The following FYB1 variants were observed in gnomAD, a reference collection of about 807,000 sequenced individuals.
The protein encoded by FYB1 is FYN-binding protein 1.
In FYB1, 41 loss-of-function variants were observed where a neutral mutation model predicts 94.1. The observed-to-expected ratio is 0.44, with a 90% CI of 0.34 to 0.57. The LOEUF is 0.57. Ranked by LOEUF, FYB1 falls within the 20% of genes least tolerant of loss-of-function variation. The pLI is 0.02. For synonymous variants in FYB1, 367 were observed against 353.2 expected, an observed-to-expected ratio of 1.04 and a Z score of -0.44; for missense variants, 1,050 against 976.8, an observed-to-expected ratio of 1.07 and a Z score of -1.00.
intron 1 of FYB1, among the ~76,000 whole-genome samples, chr5:39,210,385 ATCCGG>A (rs1466051330): frequency 6.6e-6 from 1 of 152,196 alleles, no homozygotes; most frequent in East Asian, 1.9e-4. Flanking sequence ...AGCACTGATG[ATCCGG>A]ATCCTTCTCC....
chr5:39,115,496 A>G (rs1356993168), intron 16 of FYB1, among the ~76,000 whole-genome samples: 1 of 152,178 alleles, frequency 6.6e-6, no homozygotes, highest in East Asian at 1.9e-4. Flanking sequence ...AGCCTAGATG[A>G]TAAAGAGTTT....
intron 3 of FYB1, among the ~76,000 whole-genome samples, chr5:39,151,184 C>T (rs924801099): frequency 6.6e-6 from 1 of 152,182 alleles, no homozygotes; most frequent in East Asian, 1.9e-4. Context: ...ATGCTGTCCC[C>T]AATGCCACCC....
At chr5:39,181,945 A>AATTGTGC (rs1343565236) in intron 2 of FYB1, among the ~76,000 whole-genome samples, 2 of 152,246 alleles carry the variant, frequency 1.3e-5, no homozygotes, top group Non-Finnish European at 2.9e-5. Flanking sequence ...ACAATACTTA[A>AATTGTGC]TTGCTAACTA....
intron 13 of FYB1, among the ~76,000 whole-genome samples, chr5:39,123,724 T>C (rs1740351726): frequency 6.6e-6 from 1 of 152,160 alleles, no homozygotes; most frequent in South Asian, 2.1e-4. Flanking sequence ...ACATTTTATT[T>C]CGTTCAAAGT....
At chr5:39,192,207 A>G (rs1747426667) in intron 2 of FYB1, among the ~76,000 whole-genome samples, 1 of 152,240 alleles carries the variant, frequency 6.6e-6, no homozygotes, top group South Asian at 2.1e-4. Context: ...CACAATCGAA[A>G]GGAAGTCAGA....
chr5:39,169,167 T>C (rs575480078), intron 2 of FYB1: 26 of 772,100 alleles, frequency 3.4e-5, no homozygotes, highest in Non-Finnish European at 6.1e-5. Context: ...GATCCCAAGT[T>C]TAGAAAAAGA....
At chr5:39,118,740 C>T (rs1017907294) in intron 16 of FYB1, 134 bp downstream of exon 16, 7 of 503,326 alleles carry the variant, frequency 1.4e-5, no homozygotes, top group African/African-American at 2.0e-5. Flanking sequence ...TGAACGTTTG[C>T]CACAATTTAC....
Position 39,119,590 on chromosome 5 carries a change from A to G in FYB1, c.2183T>C (p.Leu728Pro), listed in dbSNP as rs1434525779. The G allele has an allele frequency of 1.3e-6, 2 of 1,550,930 alleles. No homozygotes were observed. The highest frequency in any genetic ancestry group is 1.7e-6 in the Non-Finnish European group (2 of 1,146,774). ...TTTTTCCTGCTTTTTTAGCTTCTTA[A>G]GGTCCTTTTCTTCTGTCTTAGCTTT... is the stretch of plus-strand genomic sequence containing the variant. The part of the protein sequence containing the change: ...VGKAKTEEKD[L>P]KKLKKQEKEE... The change falls in exon 15 of 19, where the codon CTT becomes CCT. Residue 728 changes from leucine (L) to proline (P), a missense_variant. Transcript: ENST00000512982.
intron 16 of FYB1, among the ~76,000 whole-genome samples, chr5:39,112,709 T>C (rs1412025999): frequency 6.6e-6 from 1 of 152,076 alleles, no homozygotes; most frequent in East Asian, 1.9e-4. Context: ...TAATCATTCA[T>C]GATAGAGAGC....
chr5:39,191,062 C>T (rs1449114803), intron 2 of FYB1, among the ~76,000 whole-genome samples: 7 of 152,162 alleles, frequency 4.6e-5, no homozygotes, highest in Non-Finnish European at 1.0e-4. Context: ...CAATAATTGT[C>T]GATTACCTTC....
At chr5:39,154,200 G>C (rs72734747) in intron 2 of FYB1, among the ~76,000 whole-genome samples, 1 of 151,950 alleles carries the variant, frequency 6.6e-6, no homozygotes, top group Admixed American at 6.6e-5. Context: ...ACCGTTGCTG[G>C]TACCTAAAAA....
rs565779899 is a variant in FYB1 at position 39,248,588 on chromosome 5, C to T, written c.-28+25815G>A. 7.3e-4 allele frequency among the ~76,000 whole-genome samples: 111 copies of T among 152,290 alleles called. 1 individual carries two copies. The Middle Eastern group carries it at 0.01, about 14-fold the overall frequency. ...GTGCTGTGGTTCAATACTGTAATCC[C>T]AGCACTTTGGGCGGCTGAGGTGGGG... is the stretch of plus-strand genomic sequence containing the variant. On this transcript the variant is annotated intron_variant, in intron 1 of 1. Transcript: ENST00000510188.
intron 4 of FYB1, chr5:39,139,571 A>G: frequency 5.9e-6 from 1 of 168,794 alleles, no homozygotes; most frequent in Non-Finnish European, 1.3e-5. Context: ...GCATGGAAAA[A>G]GGTATTAAAA....
intron 1 of FYB1, among the ~76,000 whole-genome samples, chr5:39,218,400 C>T (rs890285343): frequency 6.6e-6 from 1 of 152,086 alleles, no homozygotes; most frequent in African/African-American, 2.4e-5. Flanking sequence ...TGCATGGGGA[C>T]GTTTTACTCT....
intron 13 of FYB1, 139 bp from the exon 14 acceptor site, chr5:39,122,541 G>A: frequency 1.8e-6 from 1 of 555,524 alleles, no homozygotes; most frequent in Non-Finnish European, 3.2e-6. Context: ...AATTTCTCCT[G>A]GAAGCATTGT....
chr5:39,121,176 T>C (rs1740057044), intron 14 of FYB1, among the ~76,000 whole-genome samples: 1 of 99,890 alleles, frequency 1.0e-5, no homozygotes, highest in Admixed American at 1.3e-4. Context: ...TGTACAGTAA[T>C]GTAAAGCAAA....
chr5:39,243,664 C>T (rs1442289185), intron 1 of FYB1, among the ~76,000 whole-genome samples: 1 of 152,048 alleles, frequency 6.6e-6, no homozygotes, highest in African/African-American at 2.4e-5. Flanking sequence ...GTAGTTTTTT[C>T]CAATTCTGTG....
chr5:39,235,923 C>T (rs1250531466), intron 1 of FYB1, among the ~76,000 whole-genome samples: 1 of 152,032 alleles, frequency 6.6e-6, no homozygotes, highest in Non-Finnish European at 1.5e-5. Flanking sequence ...CCACTGACCA[C>T]ATTTCACTAT....
At chr5:39,254,282 C>T (rs993722579) in intron 1 of FYB1, among the ~76,000 whole-genome samples, 9 of 152,156 alleles carry the variant, frequency 5.9e-5, no homozygotes, top group East Asian at 1.9e-4. Context: ...CTGTCTTCTA[C>T]GATGGTTGAA....
Sources: allele counts gnomAD v4.1 joint callset (sites outside exome capture counted in the v4.1 genomes callset), GRCh38; gene constraint gnomAD v4.1.1; transcripts MANE v1.5; gene names NCBI Gene and HGNC (gene_info 2026-07-23, HGNC 2026-07-21).